Variants in TMIGD3 observed in about 807,000 individuals in gnomAD.
The protein encoded by TMIGD3 is AD026 protein (AD026).
In TMIGD3, 21 loss-of-function variants were observed where a neutral mutation model predicts 28.1. That is an observed-to-expected ratio of 0.75 (90% CI 0.53 to 1.08). TMIGD3 has a LOEUF of 1.08. Among genes scored for constraint, TMIGD3 ranks in the 50% least tolerant of loss-of-function variants. The probability of loss-of-function intolerance (pLI) is 0.00; values close to 1 mark genes in which losing one functional copy is unlikely to be tolerated. For synonymous variants in TMIGD3, 151 were observed against 162.1 expected (o/e 0.93, Z 0.52); for missense variants, 416 against 435.6 (o/e 0.96, Z 0.40).
intron 1 of TMIGD3, among the ~76,000 whole-genome samples, chr1:111,545,240 G>A (rs911065887): frequency 2.0e-5 from 3 of 151,866 alleles, no homozygotes; most frequent in Non-Finnish European, 2.9e-5. Flanking sequence ...CATTCCCACC[G>A]GCAATGTATG....
rs1378927034 is a variant in TMIGD3 at position 111,493,621 on chromosome 1, G to A, written c.351-2859C>T. Among the ~76,000 whole-genome samples the A allele has an allele frequency of 3.9e-5, 6 of 152,072 alleles. No homozygotes were observed. The East Asian group carries it at 1.2e-3, about 29-fold the overall frequency. On this transcript the variant is annotated intron_variant, in intron 1 of 5. Coordinates refer to ENST00000369716, the MANE Select transcript of TMIGD3 (RefSeq NM_020683.7). Reference sequence around the variant, plus strand: ...ACTAAGACATAGTCACTCTACTTTTGTATGTATGAAGTTTTCCATAAGAAA... The same window carrying A: ...ACTAAGACATAGTCACTCTACTTTTATATGTATGAAGTTTTCCATAAGAAA...
At position 111,485,725 on chromosome 1, in the gene TMIGD3, A is replaced by AAAAAAACAAAAAAAC; in HGVS notation, c.973+14_973+15insGTTTTTTTGTTTTTT. 1 of 1,419,110 alleles carries AAAAAAACAAAAAAAC rather than the reference A, an allele frequency of 7.0e-7. No individual in the cohort carries two copies. The highest frequency in any genetic ancestry group is 9.8e-7 in the Non-Finnish European group (1 of 1,022,714). The allele number at this position is 1,419,110 out of a possible 1,614,324, so 87.9% of individuals were successfully genotyped here. On this transcript the variant is annotated intron_variant, in intron 5 of 5. Coordinates refer to ENST00000369716, the MANE Select transcript of TMIGD3 (RefSeq NM_020683.7). ...TAATTCTTGCCCACCCCCTCCCTCA[A>AAAAAAACAAAAAAAC]CAATAGCTACTTACCCCTTCTATTC...
chr1:111,528,500 T>G (rs1173254041), intron 1 of TMIGD3, among the ~76,000 whole-genome samples: 2 of 152,176 alleles, frequency 1.3e-5, no homozygotes, highest in African/African-American at 4.8e-5. Flanking sequence ...TTCTGGGTTT[T>G]TTGTCTCTCC....
intron 1 of TMIGD3, chr1:111,500,048 T>C (rs1655082316): frequency 1.9e-6 from 3 of 1,614,134 alleles, no homozygotes; most frequent in Admixed American, 1.7e-5. Context: ...TTGAACTTCT[T>C]TATTTTATAG....
chr1:111,558,532 T>C (rs1267340847), intron 1 of TMIGD3, among the ~76,000 whole-genome samples: 2 of 152,176 alleles, frequency 1.3e-5, no homozygotes, highest in African/African-American at 2.4e-5. Context: ...CATTTGCTAT[T>C]TATAAGGTGA....
intron 1 of TMIGD3, among the ~76,000 whole-genome samples, chr1:111,517,369 T>C (rs1248575002): frequency 6.6e-6 from 1 of 151,998 alleles, no homozygotes; most frequent in Non-Finnish European, 1.5e-5. Context: ...CTCCTGTTAA[T>C]TGCATCCTGC....
intron 1 of TMIGD3, among the ~76,000 whole-genome samples, chr1:111,518,481 A>G (rs142637116): frequency 6.6e-6 from 1 of 152,346 alleles, no homozygotes; most frequent in African/African-American, 2.4e-5. Flanking sequence ...AAGTCATGAC[A>G]ATCAAAAGCG....
In TMIGD3 at chr1:111,499,607, C is replaced by G. The variant is rs893902254; in HGVS notation, c.350+3398G>C. ...GAGTCACCACCACACACATGTTCAG[C>G]CCAACTGGAGCCTTTTGTCAGTAAG... On this transcript the variant is annotated intron_variant, in intron 1 of 5. Coordinates refer to ENST00000369716, the MANE Select transcript of TMIGD3 (RefSeq NM_020683.7). 1.1e-5 allele frequency: 12 copies of G among 1,090,196 alleles called. No homozygotes were observed. The Admixed American group carries it at 1.4e-4, about 13-fold the overall frequency. 67.5% of individuals were successfully genotyped at this position (1,090,196 alleles called of 1,614,324 possible). A position where few individuals can be genotyped will look rare whatever the true frequency, so the allele number is the denominator to read the frequency against.
At chr1:111,506,320 A>C (rs1046983048), upstream of TMIGD3, among the ~76,000 whole-genome samples, 8 of 152,250 alleles carry the variant, frequency 5.3e-5, no homozygotes, top group African/African-American at 1.9e-4. Context: ...TAAACTAGGC[A>C]TTGGGTATAT....
intron 2 of TMIGD3, 90 bp downstream of exon 2, chr1:111,490,566 C>T (rs1654607454): frequency 1.3e-5 from 12 of 926,992 alleles, no homozygotes; most frequent in African/African-American, 1.7e-5. Context: ...AGTTAATAAG[C>T]AAGGACTCCA....
At chr1:111,544,757 G>A (rs970443583) in intron 1 of TMIGD3, among the ~76,000 whole-genome samples, 2 of 151,044 alleles carry the variant, frequency 1.3e-5, no homozygotes, top group African/African-American at 2.4e-5. Context: ...CAATTTCTTG[G>A]GTATATCCAA....
At chr1:111,500,116 A>G (rs1299772231) in intron 1 of TMIGD3, 2 of 1,614,218 alleles carry the variant, frequency 1.2e-6, no homozygotes, top group Admixed American at 3.3e-5. Flanking sequence ...GCCCATGTAC[A>G]GCACAAGCTG....
chr1:111,526,549 T>G (rs1466728493), intron 1 of TMIGD3, among the ~76,000 whole-genome samples: 1 of 152,164 alleles, frequency 6.6e-6, no homozygotes, highest in African/African-American at 2.4e-5. Context: ...GTCTTGGGTA[T>G]GTCTTTATTA....
chr1:111,491,205 T>C (rs1654641564), intron 1 of TMIGD3, among the ~76,000 whole-genome samples: 1 of 152,252 alleles, frequency 6.6e-6, no homozygotes, highest in African/African-American at 2.4e-5. Flanking sequence ...TGCAGGCTCA[T>C]CTGGGGAGTA....
intron 1 of TMIGD3, among the ~76,000 whole-genome samples, chr1:111,520,487 TA>T (rs1656023672): frequency 6.6e-6 from 1 of 152,256 alleles, no homozygotes; most frequent in Non-Finnish European, 1.5e-5. Context: ...ACTTTTACTT[TA>T]AGGCTGTGTA....
At chr1:111,558,111 AT>A (rs1350983311) in intron 1 of TMIGD3, among the ~76,000 whole-genome samples, 2 of 152,194 alleles carry the variant, frequency 1.3e-5, no homozygotes, top group Non-Finnish European at 2.9e-5. Context: ...ATAGAAATTA[AT>A]TTAAATATAA....
At chr1:111,535,760 G>A (rs976266466) in intron 1 of TMIGD3, among the ~76,000 whole-genome samples, 9 of 152,138 alleles carry the variant, frequency 5.9e-5, no homozygotes, top group Non-Finnish European at 1.0e-4. Flanking sequence ...CCAGACTCAC[G>A]TAGAAATGAG....
At chr1:111,484,686 C>CTTCT (rs796567083) in intron 5 of TMIGD3, among the ~76,000 whole-genome samples, 6 of 152,334 alleles carry the variant, frequency 3.9e-5, no homozygotes, top group African/African-American at 1.4e-4. Flanking sequence ...ATTTCAGATT[C>CTTCT]TTCTGGCTAT....
intron 1 of TMIGD3, among the ~76,000 whole-genome samples, chr1:111,527,905 C>T (rs766912242): frequency 4.0e-5 from 6 of 151,702 alleles, no homozygotes; most frequent in Non-Finnish European, 7.4e-5. Context: ...TAACAGTCTC[C>T]TGTATCAGAT....
Sources: gnomAD v4.1 joint callset for allele counts (sites outside exome capture counted in the v4.1 genomes callset) on GRCh38, gnomAD v4.1.1 for gene constraint, MANE v1.5 for transcripts, NCBI Gene and HGNC (gene_info 2026-07-23, HGNC 2026-07-21) for gene names.